The following COP1 variants were observed in gnomAD, a reference collection of about 807,000 sequenced individuals.
COP1 encodes the protein E3 ubiquitin-protein ligase COP1.
COP1 carries 24 observed loss-of-function variants against 101.3 expected under a neutral mutation model. That is an observed-to-expected ratio of 0.24 (90% CI 0.17 to 0.33). COP1 has a LOEUF of 0.33. Ranked by LOEUF, COP1 falls within the 10% of genes least tolerant of loss-of-function variation. The probability of loss-of-function intolerance (pLI) is 1.00; values close to 1 mark genes in which losing one functional copy is unlikely to be tolerated. For missense variants in COP1, 663 were observed against 906.2 expected (o/e 0.73, Z 3.45); for synonymous variants, 347 against 341.9 (o/e 1.01, Z -0.17).
chr1:176,197,271 C>A (rs1699798680), intron 1 of COP1, among the ~76,000 whole-genome samples: 1 of 152,010 alleles, frequency 6.6e-6, no homozygotes, highest in South Asian at 2.1e-4. Flanking sequence ...AAAAATTATC[C>A]AGGTGTGGTG....
chr1:176,141,629 C>A (rs1690698160), intron 6 of COP1, among the ~76,000 whole-genome samples: 1 of 152,264 alleles, frequency 6.6e-6, no homozygotes, highest in East Asian at 1.9e-4. Context: ...CCCTTGTCAT[C>A]CCATACTATC....
chr1:176,173,701 T>C (rs964598789), intron 3 of COP1, among the ~76,000 whole-genome samples: 12 of 150,464 alleles, frequency 8.0e-5, no homozygotes. Context: ...TTTGAGAATA[T>C]CTAAGGCCAG....
chr1:176,062,611 C>T (rs937158361), intron 11 of COP1, among the ~76,000 whole-genome samples: 2 of 152,164 alleles, frequency 1.3e-5, no homozygotes, highest in East Asian at 3.9e-4. Context: ...CCTAACCATA[C>T]AGCACAGCAA....
rs942009156 is a variant in COP1 at position 176,108,231 on chromosome 1, T to C, written c.1026+8393A>G. 2.0e-4 allele frequency among the ~76,000 whole-genome samples: 31 copies of C among 152,222 alleles called. 1 individual carries two copies. Among genetic ancestry groups the C allele is most frequent in the Non-Finnish European group, 7.4e-5 (5 of 68,018 alleles). ...GTTCAGAAATATAACTCTATAAAGT[T>C]CATACATTTCTGGCTTCACTTATAT... On this transcript the variant is annotated intron_variant, in intron 9 of 19. Transcript: ENST00000367669.
chr1:175,996,830 A>G (rs1176934295), intron 15 of COP1, among the ~76,000 whole-genome samples: 2 of 152,048 alleles, frequency 1.3e-5, no homozygotes, highest in Non-Finnish European at 2.9e-5. Context: ...TGCCCAAGGT[A>G]ATTTATAGAT....
chr1:175,961,677 C>CA (rs1651367089), intron 18 of COP1, among the ~76,000 whole-genome samples: 1 of 100,848 alleles, frequency 9.9e-6, no homozygotes, highest in African/African-American at 3.9e-5. Context: ...GCCTGGGTAA[C>CA]AGAGTGAGAC....
Position 176,116,691 on chromosome 1 carries a change from GA to G in COP1, c.969-11del. 2 of 1,590,130 alleles carry G rather than the reference GA, an allele frequency of 1.3e-6. No homozygotes were observed. Among genetic ancestry groups the G allele is most frequent in the Non-Finnish European group, 1.7e-6 (2 of 1,164,662 alleles). On this transcript the variant is annotated splice_polypyrimidine_tract_variant and intron_variant, in intron 8 of 19. Transcript: ENST00000367669. ...GGAATCAATAATACTACTGCAAAAT[GA>G]AGAGAAAAAAATGTGATTTCAGTAT...
At chr1:176,133,780 T>C (rs566248109) in intron 8 of COP1, 1 of 430,290 alleles carries the variant, frequency 2.3e-6, no homozygotes, top group African/African-American at 2.1e-5. Context: ...AAAAAGACAA[T>C]GGGAATGAAT....
At chr1:176,056,299 T>C (rs1017080156) in intron 11 of COP1, among the ~76,000 whole-genome samples, 1 of 152,226 alleles carries the variant, frequency 6.6e-6, no homozygotes, top group African/African-American at 2.4e-5. Context: ...AGTTTGTTAA[T>C]TATGTTATTT....
chr1:176,119,458 A>G (rs1425288624), intron 8 of COP1, among the ~76,000 whole-genome samples: 1 of 152,226 alleles, frequency 6.6e-6, no homozygotes, highest in Non-Finnish European at 1.5e-5. Context: ...AATACTCATC[A>G]GTTTGTTGAA....
At chr1:175,945,866 T>C (rs545597393) in intron 19 of COP1, among the ~76,000 whole-genome samples, 1 of 152,330 alleles carries the variant, frequency 6.6e-6, no homozygotes, top group South Asian at 2.1e-4. Context: ...AGCTAAGGCT[T>C]GACTAATATA....
intron 5 of COP1, among the ~76,000 whole-genome samples, chr1:176,161,806 A>G (rs548149243): frequency 6.6e-6 from 1 of 152,236 alleles, no homozygotes; most frequent in South Asian, 2.1e-4. Flanking sequence ...TCCCAAACAG[A>G]TATAACATGG....
chr1:176,043,359 G>T, intron 13 of COP1, 92 bp from the exon 14 acceptor site: 1 of 742,218 alleles, frequency 1.3e-6, no homozygotes. Context: ...TCAATTTATT[G>T]TTACGGGGAG....
chr1:176,169,570 T>C (rs1695724083), intron 3 of COP1, among the ~76,000 whole-genome samples: 1 of 152,186 alleles, frequency 6.6e-6, no homozygotes, highest in South Asian at 2.1e-4. Flanking sequence ...GTAGTTTAAG[T>C]ATTATGTCTT....
chr1:176,161,212 G>C (rs964845103), intron 5 of COP1, among the ~76,000 whole-genome samples: 1 of 151,816 alleles, frequency 6.6e-6, no homozygotes, highest in Non-Finnish European at 1.5e-5. Context: ...ATTTATTTTT[G>C]CCTCTTTAAA....
chr1:176,145,699 G>C, intron 6 of COP1, among the ~76,000 whole-genome samples: 1 of 152,104 alleles, frequency 6.6e-6, no homozygotes, highest in East Asian at 1.9e-4. Context: ...CCATGTGGAT[G>C]AATCTTAACA....
chr1:176,131,204 T>C (rs1160220739), intron 8 of COP1, among the ~76,000 whole-genome samples: 1 of 151,802 alleles, frequency 6.6e-6, no homozygotes, highest in Non-Finnish European at 1.5e-5. Flanking sequence ...GATAGGCAGC[T>C]ACTGAAAAAT....
intron 11 of COP1, among the ~76,000 whole-genome samples, chr1:176,070,283 C>T (rs1299383069): frequency 6.6e-6 from 1 of 151,454 alleles, no homozygotes; most frequent in Non-Finnish European, 1.5e-5. Flanking sequence ...CCTTGCCCCA[C>T]AGACCTCCCA....
In COP1 at chr1:175,945,080, C is replaced by G. The variant is rs2148468191; in HGVS notation, c.*73G>C. 2.7e-6 allele frequency: 3 copies of G among 1,095,784 alleles called. No homozygotes were observed. The highest frequency in any genetic ancestry group is 2.7e-5 in the South Asian group (2 of 73,004). 67.9% of individuals were successfully genotyped at this position (1,095,784 alleles called of 1,614,324 possible). On this transcript the variant is annotated 3_prime_UTR_variant, in exon 20 of 20. Transcript: ENST00000367669. The stretch of plus-strand genomic sequence containing the variant: ...GGGGAGAGACATCACATGACATTTT[C>G]TGTTTCTTCTCTCATTGTCAGCTGC...
Sources: gnomAD v4.1 joint callset for allele counts (sites outside exome capture counted in the v4.1 genomes callset) on GRCh38, gnomAD v4.1.1 for gene constraint, MANE v1.5 for transcripts, NCBI Gene and HGNC (gene_info 2026-07-23, HGNC 2026-07-21) for gene names.